Variants in ARHGEF28 observed in about 807,000 individuals in gnomAD.
ARHGEF28 encodes 190 kDa guanine nucleotide exchange factor.
A neutral mutation model predicts 206.6 loss-of-function variants in ARHGEF28; 152 were observed. The ratio of observed to expected loss-of-function variants is 0.74; its 90% CI spans 0.64 to 0.84. The LOEUF (loss-of-function observed/expected upper bound fraction) is 0.84, where lower values mean the gene tolerates loss of function less well. ARHGEF28 is among the 40% of genes least tolerant of loss of function. The pLI is 0.00. For missense variants in ARHGEF28, 2,028 were observed against 2,073.2 expected, an observed-to-expected ratio of 0.98 and a Z score of 0.42; for synonymous variants, 763 against 776.4, an observed-to-expected ratio of 0.98 and a Z score of 0.29.
Position 73,873,096 on chromosome 5 carries a change from C to A in ARHGEF28, c.2664C>A (p.Ser888Arg), listed in dbSNP as rs369405413. 3.7e-5 allele frequency: 59 copies of A among 1,613,198 alleles called. No homozygotes were observed. The highest frequency in any genetic ancestry group is 4.8e-5 in the Non-Finnish European group (57 of 1,179,590). The change falls in exon 22 of 36, where the codon AGC becomes AGA. Residue 888 changes from serine (S) to arginine (R), a missense_variant. This residue lies in a region of ARHGEF28 where 223 missense variants were observed against 289.9 expected (regional missense o/e 0.77). Transcript: ENST00000513042. Reference sequence around the variant, plus strand: ...AAGAGGAGCTGCAGCTGGACCACAGCACCGTGGATAAAATTTTCCCCTGTT... The same window carrying A: ...AAGAGGAGCTGCAGCTGGACCACAGAACCGTGGATAAAATTTTCCCCTGTT... ...GMKEELQLDHSTVDKIFPCLD... is the reference protein window; with the variant it reads ...GMKEELQLDHRTVDKIFPCLD...
At chr5:73,794,286 A>G (rs1275557454) in intron 7 of ARHGEF28, 116 bp from the exon 8 acceptor site, 11 of 764,770 alleles carry the variant, frequency 1.4e-5, no homozygotes, top group Non-Finnish European at 2.3e-5. Context: ...TAATCTAAAA[A>G]CCTATCTCTG....
chr5:73,759,182 A>G (rs1470036377), intron 4 of ARHGEF28, among the ~76,000 whole-genome samples: 1 of 152,192 alleles, frequency 6.6e-6, no homozygotes, highest in Non-Finnish European at 1.5e-5. Context: ...TCCAAAAGTC[A>G]GATTAAGAGT....
intron 35 of ARHGEF28, among the ~76,000 whole-genome samples, chr5:73,931,890 T>A (rs1764144858): frequency 2.0e-5 from 3 of 152,214 alleles, no homozygotes; most frequent in Admixed American, 1.3e-4. Flanking sequence ...ATACAAAATA[T>A]GTAGAACAAT....
intron 35 of ARHGEF28, among the ~76,000 whole-genome samples, chr5:73,937,482 G>A (rs570390344): frequency 2.0e-5 from 3 of 152,306 alleles, no homozygotes; most frequent in South Asian, 4.1e-4. Context: ...CAGAGATAAT[G>A]TTAGGGATCA....
At chr5:73,731,583 T>A (rs1341649401) in intron 2 of ARHGEF28, among the ~76,000 whole-genome samples, 2 of 152,160 alleles carry the variant, frequency 1.3e-5, no homozygotes, top group Non-Finnish European at 2.9e-5. Flanking sequence ...CTCTTTTAGT[T>A]GTTTTTGAAG....
chr5:73,632,803 GC>G (rs1325625399), intron 1 of ARHGEF28, among the ~76,000 whole-genome samples: 1 of 151,448 alleles, frequency 6.6e-6, no homozygotes, highest in Non-Finnish European at 1.5e-5. Context: ...ACGGTGTAGA[GC>G]AGCAGTCCCC....
At chr5:73,668,164 T>C (rs761936925) in intron 1 of ARHGEF28, among the ~76,000 whole-genome samples, 1 of 152,216 alleles carries the variant, frequency 6.6e-6, no homozygotes, top group Non-Finnish European at 1.5e-5. Context: ...CCAAATTCTT[T>C]CAGCCTCCAC....
At chr5:73,708,024 A>G (rs148729442) in intron 2 of ARHGEF28, among the ~76,000 whole-genome samples, 36 of 152,110 alleles carry the variant, frequency 2.4e-4, no homozygotes, top group African/African-American at 8.4e-4. Flanking sequence ...TATTTACTAT[A>G]TTTTCAAGCC....
At position 73,633,736 on chromosome 5, in the gene ARHGEF28, C is replaced by T. The variant is rs553887631; in HGVS notation, c.-12+7414C>T. Among the ~76,000 whole-genome samples the T allele has an allele frequency of 5.4e-4, 82 of 151,760 alleles. 1 individual carries two copies. The South Asian group carries it at 0.017, about 31-fold the overall frequency. On this transcript the variant is annotated intron_variant, in intron 1 of 35. Coordinates refer to ENST00000513042, the MANE Select transcript of ARHGEF28 (RefSeq NM_001177693.2). ...GGATTAGGGGTGCATGCCACCATGC[C>T]CAGCTAATTTTTATATTTTTAGTAG...
intron 1 of ARHGEF28, among the ~76,000 whole-genome samples, chr5:73,679,566 C>CAA (rs552307895): frequency 9.6e-5 from 6 of 62,386 alleles, no homozygotes; most frequent in Admixed American, 1.7e-4. Flanking sequence ...GACTCTGTCT[C>CAA]AAAAAAAAAA....
intron 35 of ARHGEF28, among the ~76,000 whole-genome samples, chr5:73,915,345 C>A (rs1425056156): frequency 6.6e-6 from 1 of 152,032 alleles, no homozygotes; most frequent in Non-Finnish European, 1.5e-5. Flanking sequence ...TAATAATAAA[C>A]CCATGTTATC....
At chr5:73,730,534 ATTT>A (rs968990208) in intron 2 of ARHGEF28, among the ~76,000 whole-genome samples, 3 of 117,394 alleles carry the variant, frequency 2.6e-5, no homozygotes, top group African/African-American at 3.5e-5. Flanking sequence ...CATAAGGAGG[ATTT>A]TTTTTTTTTT....
intron 35 of ARHGEF28, among the ~76,000 whole-genome samples, chr5:73,939,853 G>T (rs1444302846): frequency 3.9e-5 from 6 of 152,092 alleles, no homozygotes; most frequent in South Asian, 2.1e-4. Context: ...TGTGGCGAGG[G>T]TTACAATGGC....
intron 2 of ARHGEF28, among the ~76,000 whole-genome samples, chr5:73,700,043 C>T (rs1397166271): frequency 1.3e-5 from 2 of 152,158 alleles, no homozygotes; most frequent in Non-Finnish European, 2.9e-5. Flanking sequence ...GACTCACCCA[C>T]TCCCATTCAA....
At chr5:73,864,659 A>T (rs887406304) in intron 16 of ARHGEF28, among the ~76,000 whole-genome samples, 158 bp from the exon 17 acceptor site, 11 of 152,238 alleles carry the variant, frequency 7.2e-5, no homozygotes, top group African/African-American at 2.7e-4. Context: ...GTGAGGATAC[A>T]TGTGATTTAA....
chr5:73,907,020 A>G (rs1762593447), intron 33 of ARHGEF28, among the ~76,000 whole-genome samples: 1 of 152,226 alleles, frequency 6.6e-6, no homozygotes, highest in African/African-American at 2.4e-5. Flanking sequence ...TGCTTAGGCT[A>G]GGACTTTTGA....
At position 73,672,317 on chromosome 5, in the gene ARHGEF28, G is replaced by T. The variant is rs545641025; in HGVS notation, c.-11-12524G>T. The stretch of plus-strand genomic sequence containing the variant: ...CTCAAACTCCTTTGTGTTTCCTAAA[G>T]ATAGCATGTCCTTATCTGTCTTCAT... On this transcript the variant is annotated intron_variant, in intron 1 of 35. Coordinates refer to ENST00000513042, the MANE Select transcript of ARHGEF28 (RefSeq NM_001177693.2). 4.6e-5 allele frequency among the ~76,000 whole-genome samples: 7 copies of T among 152,266 alleles called. No individual in the cohort carries two copies. The South Asian group carries it at 1.5e-3, about 32-fold the overall frequency.
chr5:73,815,190 G>C (rs1249949148), intron 9 of ARHGEF28, among the ~76,000 whole-genome samples: 1 of 148,456 alleles, frequency 6.7e-6, no homozygotes, highest in Non-Finnish European at 1.5e-5. Context: ...GATTCAGGGG[G>C]TATATATATA....
intron 9 of ARHGEF28, chr5:73,813,466 A>G: frequency 6.8e-7 from 1 of 1,462,874 alleles, no homozygotes; most frequent in African/African-American, 1.4e-5. Flanking sequence ...TGCAGGAGCT[A>G]TTTCATCCAA....
Sources: gnomAD v4.1 joint callset for allele counts (sites outside exome capture counted in the v4.1 genomes callset) on GRCh38, gnomAD v4.1.1 for gene constraint, gnomAD v4.1.1 regional missense constraint, MANE v1.5 for transcripts, NCBI Gene and HGNC (gene_info 2026-07-23, HGNC 2026-07-21) for gene names.